HIVEP1: variants seen among roughly 807,000 people sequenced by gnomAD.
HIVEP1 encodes zinc finger protein 40.
A neutral mutation model predicts 180.0 loss-of-function variants in HIVEP1; 36 were observed. The observed-to-expected ratio is 0.20, with a 90% CI of 0.15 to 0.26. The LOEUF is 0.26. HIVEP1 is among the 10% of genes least tolerant of loss of function. The probability of loss-of-function intolerance (pLI) is 1.00; values close to 1 mark genes in which losing one functional copy is unlikely to be tolerated. For missense variants in HIVEP1, 3,143 were observed against 3,268.7 expected (o/e 0.96, Z 0.94); for synonymous variants, 1,239 against 1,239.0 (o/e 1.00, Z 0.00).
At chr6:12,128,259 A>C (rs1758211932) in intron 4 of HIVEP1, among the ~76,000 whole-genome samples, 1 of 152,198 alleles carries the variant, frequency 6.6e-6, no homozygotes, top group South Asian at 2.1e-4. Flanking sequence ...TGCCAGGAAA[A>C]GAGAAGGAAA....
At chr6:12,083,180 A>C (rs967849830) in intron 2 of HIVEP1, among the ~76,000 whole-genome samples, 6 of 151,828 alleles carry the variant, frequency 4.0e-5, no homozygotes, top group African/African-American at 7.3e-5. Context: ...ATTTCTACAC[A>C]TTCATCTTCA....
At chr6:12,184,155 T>C in the HIVEP1 span, among the ~76,000 whole-genome samples, 1 of 152,182 alleles carries the variant, frequency 6.6e-6, no homozygotes, top group South Asian at 2.1e-4. Flanking sequence ...CACTTAGATG[T>C]TGGAGGATTA....
intron 2 of HIVEP1, among the ~76,000 whole-genome samples, chr6:12,081,383 A>G (rs1309993180): frequency 6.6e-6 from 1 of 152,072 alleles, no homozygotes; most frequent in Non-Finnish European, 1.5e-5. Flanking sequence ...TTACACACTC[A>G]CTAAACTCCT....
At chr6:12,021,337 A>G (rs1301026953) in intron 2 of HIVEP1, among the ~76,000 whole-genome samples, 1 of 152,150 alleles carries the variant, frequency 6.6e-6, no homozygotes, top group Non-Finnish European at 1.5e-5. Context: ...CAGCATGCAC[A>G]TCCGGTATTT....
At chr6:12,051,393 A>C (rs1023165337) in intron 2 of HIVEP1, among the ~76,000 whole-genome samples, 3 of 152,114 alleles carry the variant, frequency 2.0e-5, no homozygotes, top group Admixed American at 6.5e-5. Flanking sequence ...AAATATTTAC[A>C]TGACTCCAAA....
At chr6:12,064,603 G>C (rs1011064582) in intron 2 of HIVEP1, among the ~76,000 whole-genome samples, 14 of 152,178 alleles carry the variant, frequency 9.2e-5, no homozygotes, top group Admixed American at 7.2e-4. Context: ...ATAGTAAAAT[G>C]AAACTTCAGT....
In HIVEP1 at chr6:12,164,277, C is replaced by T. The variant is rs367910114; in HGVS notation, c.7973C>T (p.Ala2658Val). The T allele has an allele frequency of 5.6e-6, 9 of 1,613,946 alleles. No individual in the cohort carries two copies. The highest frequency in any genetic ancestry group is 1.3e-5 in the African/African-American group (1 of 74,918). The change falls in exon 9 of 9, where the codon GCG becomes GTG. Residue 2658 changes from alanine (A) to valine (V), a missense_variant. This residue lies in a region of HIVEP1 where 595 missense variants were observed against 602.2 expected (regional missense o/e 0.99). Coordinates refer to ENST00000379388, the MANE Select transcript of HIVEP1 (RefSeq NM_002114.4). ...PELTSIQGQP[A>V]STSQPLLKAH... ...CTCACTTCCATACAGGGCCAACCAG[C>T]GTCCACGTCACAACCTCTGCTGAAG... is the stretch of plus-strand genomic sequence containing the variant.
chr6:12,015,526 C>A lies in HIVEP1; in HGVS notation c.-103C>A. Reference sequence around the variant, plus strand: ...GCTTCTCCGTTTTTTTCTTTTTCAGCACATGGATTAATTGATGTATGTTGA... The same window carrying A: ...GCTTCTCCGTTTTTTTCTTTTTCAGAACATGGATTAATTGATGTATGTTGA... On this transcript the variant is annotated splice_region_variant and 5_prime_UTR_variant, in exon 2 of 9. Coordinates refer to ENST00000379388, the MANE Select transcript of HIVEP1 (RefSeq NM_002114.4). The A allele has an allele frequency of 2.2e-6, 2 of 911,344 alleles. No homozygotes were observed. The highest frequency in any genetic ancestry group is 3.5e-6 in the Non-Finnish European group (2 of 567,916). The allele number at this position is 911,344 out of a possible 1,614,324, so 56.5% of individuals were successfully genotyped here. A position where few individuals can be genotyped will look rare whatever the true frequency, so the allele number is the denominator to read the frequency against.
chr6:12,018,878 A>C (rs1768008238), intron 2 of HIVEP1, among the ~76,000 whole-genome samples: 1 of 152,236 alleles, frequency 6.6e-6, no homozygotes, highest in African/African-American at 2.4e-5. Flanking sequence ...CAGGAGAATC[A>C]GGAGGAATCA....
chr6:12,080,823 T>C (rs1772739789), intron 2 of HIVEP1, among the ~76,000 whole-genome samples: 1 of 152,192 alleles, frequency 6.6e-6, no homozygotes, highest in African/African-American at 2.4e-5. Flanking sequence ...TAATCACCTT[T>C]GCTATTCCAC....
the HIVEP1 span, among the ~76,000 whole-genome samples, chr6:12,172,785 G>T: frequency 3.3e-3 from 498 of 149,002 alleles, 3 homozygotes; most frequent in African/African-American, 0.012. Context: ...GTTAAAACAC[G>T]GTCCTTTTTT....
intron 7 of HIVEP1, among the ~76,000 whole-genome samples, chr6:12,145,260 T>C (rs1759300344): frequency 6.6e-6 from 1 of 151,898 alleles, no homozygotes; most frequent in Non-Finnish European, 1.5e-5. Context: ...GAGTAAACTG[T>C]CACAAGGACA....
chr6:12,187,759 A>AT, the HIVEP1 span, among the ~76,000 whole-genome samples: 2 of 151,796 alleles, frequency 1.3e-5, no homozygotes, highest in South Asian at 2.1e-4. Context: ...GGCCTTGCTA[A>AT]TTTTTTTGTA....
intron 2 of HIVEP1, among the ~76,000 whole-genome samples, chr6:12,022,052 A>G (rs1000781055): frequency 5.3e-5 from 8 of 152,224 alleles, no homozygotes; most frequent in Non-Finnish European, 1.0e-4. Context: ...CGAGTAGGAA[A>G]TGCTTCTTCC....
intron 2 of HIVEP1, among the ~76,000 whole-genome samples, chr6:12,053,300 A>G (rs2113725370): frequency 6.6e-6 from 1 of 152,262 alleles, no homozygotes; most frequent in Admixed American, 6.5e-5. Context: ...GCTGTTCTTT[A>G]AACATTGAGA....
At position 12,163,711 on chromosome 6, in the gene HIVEP1, C is replaced by T. The variant is rs143661710; in HGVS notation, c.7407C>T (p.Ile2469=). 1,720 of 1,614,146 alleles carry T rather than the reference C, an allele frequency of 1.1e-3. 18 individuals are homozygous for T. Among genetic ancestry groups the T allele is most frequent in the Non-Finnish European group, 1.2e-3 (1,385 of 1,180,038 alleles). The change falls in exon 9 of 9, where the codon ATC becomes ATT. Residue 2469 remains isoleucine (I), a synonymous_variant. Coordinates refer to ENST00000379388, the MANE Select transcript of HIVEP1 (RefSeq NM_002114.4). Reference sequence around the variant, plus strand: ...GCAGTGTTGTGCCATGTATTCCTATCGGCCAAATCCGCGTGCCAGGCCTTC... The same window carrying T: ...GCAGTGTTGTGCCATGTATTCCTATTGGCCAAATCCGCGTGCCAGGCCTTC... ...ELSSVVPCIP[I]GQIRVPGLQN...
At chr6:12,130,979 T>G in intron 6 of HIVEP1, 37 bp downstream of exon 6, 1 of 1,465,088 alleles carries the variant, frequency 6.8e-7, no homozygotes, top group South Asian at 1.3e-5. Context: ...CCTTTTAATA[T>G]GTATTTAGGT....
At chr6:12,089,604 C>CT (rs5874363) in intron 3 of HIVEP1, among the ~76,000 whole-genome samples, 33,401 of 145,682 alleles carry the variant, frequency 0.23, 4,044 homozygotes, top group Middle Eastern at 0.3. Flanking sequence ...ATGCAGTTTT[C>CT]TTTTTTTTTT....
At chr6:12,055,481 TAAA>T (rs1026847911) in intron 2 of HIVEP1, among the ~76,000 whole-genome samples, 5 of 151,522 alleles carry the variant, frequency 3.3e-5, no homozygotes, top group African/African-American at 9.7e-5. Flanking sequence ...AAAAAAAAAA[TAAA>T]AAGTCATTAT....
Sources: gnomAD v4.1 joint callset for allele counts (sites outside exome capture counted in the v4.1 genomes callset) on GRCh38, gnomAD v4.1.1 for gene constraint, gnomAD v4.1.1 regional missense constraint, MANE v1.5 for transcripts, NCBI Gene and HGNC (gene_info 2026-07-23, HGNC 2026-07-21) for gene names.